PLAGL1: variants seen among roughly 807,000 people sequenced by gnomAD.
The protein encoded by PLAGL1 is zinc finger protein PLAGL1.
A neutral mutation model predicts 4.6 loss-of-function variants in PLAGL1; 1 was observed. The ratio of observed to expected loss-of-function variants is 0.22; its 90% confidence interval spans 0.08 to 1.03. The LOEUF is 1.03. Ranked by LOEUF, PLAGL1 falls within the 50% of genes least tolerant of loss-of-function variation. PLAGL1 has a pLI of 0.58. For missense variants in PLAGL1, 464 were observed against 570.4 expected (o/e 0.81, Z 1.90); for synonymous variants, 240 against 237.8 (o/e 1.01, Z -0.08).
chr6:143,993,250 G>A (rs1790875002), intron 1 of PLAGL1, among the ~76,000 whole-genome samples: 1 of 151,816 alleles, frequency 6.6e-6, no homozygotes, highest in African/African-American at 2.4e-5. Flanking sequence ...TTTGCAGTGA[G>A]CCAAGATCGC....
At chr6:143,996,424 A>T (rs142311110) in intron 1 of PLAGL1, among the ~76,000 whole-genome samples, 298 of 152,284 alleles carry the variant, frequency 2.0e-3, no homozygotes, top group Middle Eastern at 0.01. Context: ...TCTGATATCC[A>T]TTCTTCCTTT....
In PLAGL1 at chr6:143,942,575, G is replaced by A; in HGVS notation, c.241C>T (p.Leu81Phe). 4 of 1,614,140 alleles carry A rather than the reference G, an allele frequency of 2.5e-6. No homozygotes were observed. Among genetic ancestry groups the A allele is most frequent in the South Asian group, 1.1e-5 (1 of 91,084 alleles). Residue 81 changes from leucine (L) to phenylalanine (F), a missense_variant, in exon 8 of 8, where the codon CTC becomes TTC. Physicochemically the swap from Leu to Phe is conservative, Grantham distance 22. Transcript: ENST00000674357. This position sits in a 1 kb window ranked among gnomAD's most constrained non-coding sequence, Gnocchi z 7.6. ...ATTTTGTTGGGGTCGTGGGTCTGGA[G>A]GTGGTTTTTCAGGTGGTCTTTCCGG... ...FNRKDHLKNHLQTHDPNKMAF... is the reference protein window; with the variant it reads ...FNRKDHLKNHFQTHDPNKMAF...
At position 144,061,693 on chromosome 6, in the gene PLAGL1, T is replaced by C. The variant is rs1799417409; in HGVS notation, c.-151+2775A>G. Among the ~76,000 whole-genome samples the C allele has an allele frequency of 6.6e-6, 1 of 152,214 alleles. No homozygotes were observed. The highest frequency in any genetic ancestry group is 6.5e-5 in the Admixed American group (1 of 15,274). On this transcript the variant is annotated intron_variant, in intron 1 of 3. Transcript: ENST00000437412. The surrounding 1 kb of genome is among the most constrained non-coding windows in gnomAD (Gnocchi z 4.4). ...AAATGTATATGAAAAAATAAGTCCC[T>C]GAGGAAGAAGTTGGCAGCCAGATTT...
chr6:143,958,764 A>G lies in PLAGL1; in HGVS notation c.-325+1705T>C, dbSNP rs1198863633. Among the ~76,000 whole-genome samples the G allele has an allele frequency of 1.3e-5, 2 of 152,212 alleles. No individual in the cohort carries two copies. Among genetic ancestry groups the G allele is most frequent in the Non-Finnish European group, 2.9e-5 (2 of 68,034 alleles). On this transcript the variant is annotated intron_variant, in intron 6 of 7. Coordinates refer to ENST00000674357, the MANE Select transcript of PLAGL1 (RefSeq NM_001317162.2). This position sits in a 1 kb window ranked among gnomAD's most constrained non-coding sequence, Gnocchi z 5.1. Reference sequence around the variant, plus strand: ...CATTTCATCAGGTTTCCATTTTAAAAGAAAATGGCACTGAAGAGACAAGGC... The same window carrying G: ...CATTTCATCAGGTTTCCATTTTAAAGGAAAATGGCACTGAAGAGACAAGGC...
At chr6:144,011,554 A>G (rs1373789572), upstream of PLAGL1, among the ~76,000 whole-genome samples, 4 of 152,120 alleles carry the variant, frequency 2.6e-5, no homozygotes, top group Admixed American at 6.6e-5. This position sits in a 1 kb window ranked among gnomAD's most constrained non-coding sequence, Gnocchi z 4.3. Context: ...CCCCCAGCAT[A>G]CAGTATGATC....
At position 143,995,661 on chromosome 6, in the gene PLAGL1, T is replaced by C. The variant is rs938214674; in HGVS notation, c.-583-10487A>G. Among the ~76,000 whole-genome samples the C allele has an allele frequency of 2.6e-5, 4 of 152,186 alleles. No individual in the cohort carries two copies. The highest frequency in any genetic ancestry group is 2.6e-4 in the Admixed American group (4 of 15,282). On this transcript the variant is annotated intron_variant, in intron 1 of 7. Transcript: ENST00000674357. The surrounding 1 kb of genome is among the most constrained non-coding windows in gnomAD (Gnocchi z 4.4). ...AAAATTCAAACACTATTATGATATATATGCTTATATAAAATGTTTCAAATC... is the reference window on the plus strand; with the variant it reads ...AAAATTCAAACACTATTATGATATACATGCTTATATAAAATGTTTCAAATC...
At position 144,064,129 on chromosome 6, in the gene PLAGL1, G is replaced by T. The variant is rs1799647173; in HGVS notation, c.-151+339C>A. Among the ~76,000 whole-genome samples, 1 of 151,802 alleles carries T rather than the reference G, an allele frequency of 6.6e-6. No individual in the cohort carries two copies. The highest frequency in any genetic ancestry group is 2.4e-5 in the African/African-American group (1 of 41,344). On this transcript the variant is annotated intron_variant, in intron 1 of 3. Transcript: ENST00000437412. The surrounding 1 kb of genome is among the most constrained non-coding windows in gnomAD (Gnocchi z 6.8). ...ACAGTGGCCGGCGGGGCGGGCGCTA[G>T]GTGGCGGCTGTTCAGCTCCCACGTC... is the stretch of plus-strand genomic sequence containing the variant.
At position 143,953,786 on chromosome 6, in the gene PLAGL1, C is replaced by A. The variant is rs897299169; in HGVS notation, c.-324-5326G>T. On this transcript the variant is annotated intron_variant, in intron 6 of 7. Coordinates refer to ENST00000674357, the MANE Select transcript of PLAGL1 (RefSeq NM_001317162.2). The surrounding 1 kb of genome is among the most constrained non-coding windows in gnomAD (Gnocchi z 5.3). ...AAGCCAGCATTAAGAGGCAACAAAA[C>A]AACCTGCTATACCCTGAAGCATCTA... 6.6e-6 allele frequency among the ~76,000 whole-genome samples: 1 copy of A among 152,186 alleles called. No individual in the cohort carries two copies. The highest frequency in any genetic ancestry group is 6.5e-5 in the Admixed American group (1 of 15,286).
intron 1 of PLAGL1, among the ~76,000 whole-genome samples, chr6:144,028,950 G>A (rs957152892): frequency 6.6e-6 from 1 of 151,794 alleles, no homozygotes; most frequent in Non-Finnish European, 1.5e-5. Flanking sequence ...CATTTTTTAT[G>A]TAATTGAGAT....
Position 143,942,075 on chromosome 6 carries a change from A to G in PLAGL1, c.741T>C (p.Ser247=), listed in dbSNP as rs768835975. 3.1e-6 allele frequency: 5 copies of G among 1,613,550 alleles called. No individual in the cohort carries two copies. Among genetic ancestry groups the G allele is most frequent in the African/African-American group, 1.3e-5 (1 of 74,908 alleles). ...AGCTACTTGCAAGCCCGTTCTGGGC[A>G]GAAGCTCCTAAAGGGAAAGGAGGCA... ...AALPPFPLGA[S]AQNGLASSLP... The change falls in exon 8 of 8, where the codon TCT becomes TCC. Residue 247 remains serine, a synonymous_variant. Transcript: ENST00000674357. This position sits in a 1 kb window ranked among gnomAD's most constrained non-coding sequence, Gnocchi z 7.6.
At position 144,053,227 on chromosome 6, in the gene PLAGL1, C is replaced by T. The variant is rs145704507; in HGVS notation, c.-151+11241G>A. Among the ~76,000 whole-genome samples, 17,258 of 152,160 alleles carry T rather than the reference C, an allele frequency of 0.11. 1,175 individuals carry two copies. Among genetic ancestry groups the T allele is most frequent in the Admixed American group, 0.23 (3,549 of 15,270 alleles). Reference sequence around the variant, plus strand: ...TTGGCTTACTGCAACCTCTGCCTCCCGGGTTCAAGCAATTCTCCTGCCTCA... The same window carrying T: ...TTGGCTTACTGCAACCTCTGCCTCCTGGGTTCAAGCAATTCTCCTGCCTCA... On this transcript the variant is annotated intron_variant, in intron 1 of 3. Transcript: ENST00000437412. This position sits in a 1 kb window ranked among gnomAD's most constrained non-coding sequence, Gnocchi z 4.0.
At chr6:144,046,085 A>C (rs553948121) in intron 1 of PLAGL1, among the ~76,000 whole-genome samples, 14 of 152,244 alleles carry the variant, frequency 9.2e-5, no homozygotes, top group Admixed American at 4.6e-4. Context: ...CCATTCATCT[A>C]ATCTTTTTTC....
chr6:144,048,506 T>C lies in PLAGL1; in HGVS notation c.-151+15962A>G, dbSNP rs1403508810. 6.6e-6 allele frequency among the ~76,000 whole-genome samples: 1 copy of C among 152,258 alleles called. No individual in the cohort carries two copies. Among genetic ancestry groups the C allele is most frequent in the Non-Finnish European group, 1.5e-5 (1 of 68,050 alleles). On this transcript the variant is annotated intron_variant, in intron 1 of 3. Coordinates refer to the PLAGL1 transcript ENST00000437412. This position sits in a 1 kb window ranked among gnomAD's most constrained non-coding sequence, Gnocchi z 4.8. ...GGCAGAGGTTCCCAAACCTTGATTC[T>C]TGACTTCTGTGCACCCTCAGACCCA...
At chr6:144,029,887 A>G (rs956384273) in intron 1 of PLAGL1, among the ~76,000 whole-genome samples, 1 of 152,210 alleles carries the variant, frequency 6.6e-6, no homozygotes, top group African/African-American at 2.4e-5. Flanking sequence ...ATAAACTAAC[A>G]TGTTCAATAT....
rs1316147421 is a variant in PLAGL1 at position 143,997,191 on chromosome 6, C to G, written c.-584+10899G>C. 6.6e-6 allele frequency among the ~76,000 whole-genome samples: 1 copy of G among 152,190 alleles called. No homozygotes were observed. Among genetic ancestry groups the G allele is most frequent in the Non-Finnish European group, 1.5e-5 (1 of 68,032 alleles). ...GTGCTGATGAAAATGTGCACTCCAA[C>G]TACAACTCTATTGCTAGCAAAAGTG... On this transcript the variant is annotated intron_variant, in intron 1 of 7. Coordinates refer to ENST00000674357, the MANE Select transcript of PLAGL1 (RefSeq NM_001317162.2). This position sits in a 1 kb window ranked among gnomAD's most constrained non-coding sequence, Gnocchi z 4.6.
chr6:144,014,123 C>T (rs1459716574), intron 1 of PLAGL1, among the ~76,000 whole-genome samples: 1 of 152,120 alleles, frequency 6.6e-6, no homozygotes, highest in East Asian at 1.9e-4. Context: ...TACTATAAGG[C>T]TAGACTAATC....
rs1307379727 is a variant in PLAGL1 at position 143,978,456 on chromosome 6, C to A, written c.-544+6679G>T. Among the ~76,000 whole-genome samples, 1 of 152,022 alleles carries A rather than the reference C, an allele frequency of 6.6e-6. No homozygotes were observed. Among genetic ancestry groups the A allele is most frequent in the Non-Finnish European group, 1.5e-5 (1 of 67,988 alleles). On this transcript the variant is annotated intron_variant, in intron 2 of 7. Coordinates refer to ENST00000674357, the MANE Select transcript of PLAGL1 (RefSeq NM_001317162.2). The surrounding 1 kb of genome is among the most constrained non-coding windows in gnomAD (Gnocchi z 4.6). ...TATTTAGAAGCATACTGTTTAATTT[C>A]CAAATATTTGGAAAATTTCCAGCAC...
chr6:144,027,263 G>T lies in PLAGL1; in HGVS notation c.-151+37205C>A. 6.9e-6 allele frequency among the ~76,000 whole-genome samples: 1 copy of T among 145,396 alleles called. No individual in the cohort carries two copies. Among genetic ancestry groups the T allele is most frequent in the African/African-American group, 2.5e-5 (1 of 39,396 alleles). ...AGAAAGAAAGAAAGAAAGAAAGAAA[G>T]AAAGAAAGAAAGAAAGAAAGAAAGA... On this transcript the variant is annotated intron_variant, in intron 1 of 3. Transcript: ENST00000437412. The surrounding 1 kb of genome is among the most constrained non-coding windows in gnomAD (Gnocchi z 5.8).
chr6:144,035,682 CA>C (rs531483523), intron 1 of PLAGL1, among the ~76,000 whole-genome samples: 152 of 152,300 alleles, frequency 1.0e-3, no homozygotes, highest in African/African-American at 3.5e-3. Context: ...GGCTTTGTGT[CA>C]AATCCCTGTT....
Sources: gnomAD v4.1 joint callset for allele counts (sites outside exome capture counted in the v4.1 genomes callset) on GRCh38, gnomAD v4.1.1 for gene constraint, Gnocchi (gnomAD v3.1) non-coding constraint, MANE v1.5 for transcripts, NCBI Gene and HGNC (gene_info 2026-07-23, HGNC 2026-07-21) for gene names.